HPSE2: variants seen among roughly 807,000 people sequenced by gnomAD.
HPSE2 encodes heparanase 2 (inactive), also known as inactive heparanase-2.
A neutral mutation model predicts 60.5 loss-of-function variants in HPSE2; 38 were observed. That is an observed-to-expected ratio of 0.63 (90% CI 0.48 to 0.82). HPSE2 has a LOEUF of 0.82. Ranked by LOEUF, HPSE2 falls within the 40% of genes least tolerant of loss-of-function variation. The pLI, the probability that HPSE2 is intolerant of heterozygous loss-of-function variation, is 0.00. For missense variants in HPSE2, 713 were observed against 740.4 expected (o/e 0.96, Z 0.43); for synonymous variants, 295 against 293.2 (o/e 1.01, Z -0.06).
intron 5 of HPSE2, among the ~76,000 whole-genome samples, chr10:98,711,146 TAGA>T (rs1565100339): frequency 2.0e-5 from 3 of 152,040 alleles, no homozygotes; most frequent in Non-Finnish European, 2.9e-5. Context: ...AGGTGCTGGT[TAGA>T]AGATCATGAT....
the HPSE2 span, among the ~76,000 whole-genome samples, chr10:99,291,618 G>T: frequency 6.6e-6 from 1 of 150,542 alleles, no homozygotes; most frequent in Non-Finnish European, 1.5e-5. Flanking sequence ...CCATATGTTA[G>T]TGCCAGAAGA....
At chr10:98,702,779 A>G (rs1948445035) in intron 5 of HPSE2, among the ~76,000 whole-genome samples, 1 of 151,942 alleles carries the variant, frequency 6.6e-6, no homozygotes, top group South Asian at 2.1e-4. Flanking sequence ...TCTGGGACAC[A>G]GCTAGAGCAG....
chr10:98,949,220 C>T (rs1440472625), intron 3 of HPSE2, among the ~76,000 whole-genome samples: 1 of 147,824 alleles, frequency 6.8e-6, no homozygotes, highest in Non-Finnish European at 1.5e-5. Context: ...AAAGTGTAAT[C>T]CTCCAACACG....
At chr10:99,274,306 C>A in the HPSE2 span, among the ~76,000 whole-genome samples, 1 of 152,144 alleles carries the variant, frequency 6.6e-6, no homozygotes, top group African/African-American at 2.4e-5. Context: ...AAGGATCCTA[C>A]CACTGTGCTC....
chr10:99,209,677 T>C (rs959216271), intron 2 of HPSE2, among the ~76,000 whole-genome samples: 3 of 152,196 alleles, frequency 2.0e-5, no homozygotes, highest in African/African-American at 7.2e-5. Flanking sequence ...AAAATATTAA[T>C]ACAACTAAGA....
At chr10:98,466,667 T>C (rs187549358) in intron 11 of HPSE2, among the ~76,000 whole-genome samples, 2 of 151,602 alleles carry the variant, frequency 1.3e-5, no homozygotes, top group African/African-American at 4.9e-5. Flanking sequence ...CTTCAGAACA[T>C]TTGCCTTCTC....
intron 6 of HPSE2, among the ~76,000 whole-genome samples, chr10:98,676,027 G>C (rs1367578572): frequency 6.7e-6 from 1 of 148,968 alleles, no homozygotes. Flanking sequence ...AGAGTAAAAC[G>C]CTGCCTCAAA....
rs535706793 is a variant in HPSE2, at chr10:98,502,439, TAA to T, written c.1321-12245_1321-12244del. On this transcript the variant is annotated intron_variant, in intron 9 of 11. Coordinates refer to ENST00000370552, the MANE Select transcript of HPSE2 (RefSeq NM_021828.5). ...ATCTTCGACAAAGCAAACAAAAAAA[TAA>T]AGAGGGGAAACGTTACACTTTTCAA... Among the ~76,000 whole-genome samples the T allele has an allele frequency of 1.8e-3, 278 of 151,934 alleles. 1 individual carries two copies. The highest frequency in any genetic ancestry group is 0.01 in the Middle Eastern group (3 of 294).
At chr10:99,024,488 A>G (rs1957332987) in intron 3 of HPSE2, among the ~76,000 whole-genome samples, 1 of 152,172 alleles carries the variant, frequency 6.6e-6, no homozygotes, top group African/African-American at 2.4e-5. Context: ...GAGAAGTGAT[A>G]GGGGTAGGAA....
At chr10:98,690,449 G>C (rs1195330723) in intron 6 of HPSE2, among the ~76,000 whole-genome samples, 2 of 152,322 alleles carry the variant, frequency 1.3e-5, no homozygotes, top group East Asian at 3.9e-4. Context: ...GCTGAGGCAG[G>C]AGAATGGCAT....
intron 3 of HPSE2, among the ~76,000 whole-genome samples, chr10:98,899,194 A>G (rs1953587449): frequency 6.6e-6 from 1 of 152,242 alleles, no homozygotes; most frequent in African/African-American, 2.4e-5. Context: ...CATGTAAACA[A>G]GAATACATGG....
At chr10:98,765,967 GAAAT>G (rs1421005749) in intron 3 of HPSE2, among the ~76,000 whole-genome samples, 4 of 151,810 alleles carry the variant, frequency 2.6e-5, no homozygotes, top group African/African-American at 9.7e-5. Context: ...AAATAAAATT[GAAAT>G]AAATAAAAAT....
At chr10:98,745,136 A>G (rs1213063369) in intron 3 of HPSE2, among the ~76,000 whole-genome samples, 1 of 152,166 alleles carries the variant, frequency 6.6e-6, no homozygotes, top group East Asian at 1.9e-4. Context: ...TGGGAGACAG[A>G]GCTTGCGGTA....
chr10:98,932,505 C>T (rs1484388086), intron 3 of HPSE2, among the ~76,000 whole-genome samples: 1 of 143,898 alleles, frequency 6.9e-6, no homozygotes, highest in African/African-American at 2.8e-5. Flanking sequence ...GAGGGGAGTC[C>T]CTCCTTCACA....
At chr10:99,050,969 G>GTGTA (rs777630053) in intron 3 of HPSE2, among the ~76,000 whole-genome samples, 1 of 152,064 alleles carries the variant, frequency 6.6e-6, no homozygotes, top group African/African-American at 2.4e-5. Context: ...GTGTGTGTGT[G>GTGTA]TGTATGGAAA....
At chr10:99,133,484 G>C (rs1473114950) in intron 3 of HPSE2, among the ~76,000 whole-genome samples, 1 of 152,160 alleles carries the variant, frequency 6.6e-6, no homozygotes, top group Non-Finnish European at 1.5e-5. Context: ...CCTCATACAG[G>C]AGAGCTCTGG....
intron 9 of HPSE2, among the ~76,000 whole-genome samples, chr10:98,564,608 G>A (rs1234701111): frequency 6.6e-6 from 1 of 152,164 alleles, no homozygotes; most frequent in Non-Finnish European, 1.5e-5. Context: ...AGCAATTTTT[G>A]TTTGGCAAAT....
intron 3 of HPSE2, among the ~76,000 whole-genome samples, chr10:98,984,534 G>T (rs1046584749): frequency 1.3e-5 from 2 of 152,164 alleles, no homozygotes; most frequent in African/African-American, 4.8e-5. Flanking sequence ...AAACCACAAA[G>T]ATGGGGAAAA....
chr10:99,110,623 T>C (rs1844420960), intron 3 of HPSE2, among the ~76,000 whole-genome samples: 1 of 152,112 alleles, frequency 6.6e-6, no homozygotes, highest in Non-Finnish European at 1.5e-5. Flanking sequence ...AAAATAAATA[T>C]TATACTTAAA....
Sources: allele counts gnomAD v4.1 joint callset (sites outside exome capture counted in the v4.1 genomes callset), GRCh38; gene constraint gnomAD v4.1.1; transcripts MANE v1.5; gene names NCBI Gene and HGNC (gene_info 2026-07-23, HGNC 2026-07-21).